GALNTL6: variants seen among roughly 807,000 people sequenced by gnomAD.
The protein encoded by GALNTL6 is polypeptide N-acetylgalactosaminyltransferase like 6.
In GALNTL6, 46 loss-of-function variants were observed where a neutral mutation model predicts 73.7. The observed-to-expected ratio is 0.62, with a 90% confidence interval of 0.49 to 0.80. GALNTL6 has a LOEUF of 0.80. GALNTL6 is among the 30% of genes least tolerant of loss of function. The pLI, the probability that GALNTL6 is intolerant of heterozygous loss-of-function variation, is 0.00. For missense variants in GALNTL6, 604 were observed against 755.0 expected, an observed-to-expected ratio of 0.80 and a Z score of 2.34; for synonymous variants, 259 against 263.7, an observed-to-expected ratio of 0.98 and a Z score of 0.17.
At chr4:172,035,771 C>CTGT (rs1741913755) in intron 2 of GALNTL6, among the ~76,000 whole-genome samples, 1 of 152,096 alleles carries the variant, frequency 6.6e-6, no homozygotes, top group Non-Finnish European at 1.5e-5. Flanking sequence ...TGCCAGTGAA[C>CTGT]AGTGCTTTAA....
At chr4:172,324,625 TAATA>T (rs1465273394) in intron 4 of GALNTL6, among the ~76,000 whole-genome samples, 1 of 151,242 alleles carries the variant, frequency 6.6e-6, no homozygotes, top group Non-Finnish European at 1.5e-5. Context: ...AATAATGGCA[TAATA>T]AATATTTTTT....
chr4:172,056,260 C>T (rs895573951), intron 2 of GALNTL6, among the ~76,000 whole-genome samples: 2 of 152,022 alleles, frequency 1.3e-5, no homozygotes, highest in African/African-American at 2.4e-5. Flanking sequence ...TTTTATCATT[C>T]AACATTGTGC....
At chr4:172,632,501 G>T (rs1739442711) in intron 5 of GALNTL6, among the ~76,000 whole-genome samples, 1 of 152,116 alleles carries the variant, frequency 6.6e-6, no homozygotes, top group African/African-American at 2.4e-5. Context: ...CTAGAGGTCT[G>T]TGGAACTTTG....
chr4:172,744,816 G>T (rs997213413), intron 5 of GALNTL6, among the ~76,000 whole-genome samples: 15 of 146,458 alleles, frequency 1.0e-4, no homozygotes, highest in African/African-American at 3.8e-4. Flanking sequence ...AGACACAAAA[G>T]GATAGATTTT....
chr4:172,879,264 T>C (rs73870309), intron 7 of GALNTL6, among the ~76,000 whole-genome samples: 329 of 151,880 alleles, frequency 2.2e-3, no homozygotes, highest in African/African-American at 7.4e-3. Context: ...AATAACACTA[T>C]CAACCAACTT....
intron 5 of GALNTL6, among the ~76,000 whole-genome samples, chr4:172,551,680 G>A (rs1040986914): frequency 5.9e-5 from 9 of 152,122 alleles, no homozygotes; most frequent in Non-Finnish European, 1.2e-4. Context: ...CAGTAATTTG[G>A]TAGGAGGAAT....
intron 5 of GALNTL6, among the ~76,000 whole-genome samples, chr4:172,727,250 C>A (rs1169055721): frequency 1.3e-5 from 2 of 152,170 alleles, no homozygotes; most frequent in Non-Finnish European, 2.9e-5. Context: ...TGTAGTCATC[C>A]AGAAGTCTTA....
At chr4:172,750,273 A>C (rs1737351453) in intron 5 of GALNTL6, among the ~76,000 whole-genome samples, 1 of 152,214 alleles carries the variant, frequency 6.6e-6, no homozygotes, top group South Asian at 2.1e-4. Flanking sequence ...TTTCAAGGAA[A>C]AAATGTGAAG....
At chr4:171,897,608 G>A (rs928239587) in intron 2 of GALNTL6, among the ~76,000 whole-genome samples, 1 of 152,022 alleles carries the variant, frequency 6.6e-6, no homozygotes, top group African/African-American at 2.4e-5. Flanking sequence ...GGATCACGAG[G>A]TCAGGAGTAC....
intron 2 of GALNTL6, among the ~76,000 whole-genome samples, chr4:172,010,475 C>T (rs1740973449): frequency 6.6e-6 from 1 of 152,026 alleles, no homozygotes; most frequent in Non-Finnish European, 1.5e-5. Flanking sequence ...TGGGGCAGTA[C>T]ATTTATTTCC....
intron 5 of GALNTL6, among the ~76,000 whole-genome samples, chr4:172,675,922 A>C (rs1187825206): frequency 6.6e-6 from 1 of 152,230 alleles, no homozygotes; most frequent in African/African-American, 2.4e-5. Flanking sequence ...AGCATCCTCA[A>C]ATCCTCAAAT....
chr4:172,300,843 G>T lies in GALNTL6; in HGVS notation c.248-10771G>T, dbSNP rs1739887127. ...ACTTTGGTGAATCTGACAATTATGT[G>T]TCTTGGAGTTGCTCTTCTCGAGGAG... On this transcript the variant is annotated intron_variant, in intron 3 of 12. Transcript: ENST00000506823. Among the ~76,000 whole-genome samples, 4 of 152,054 alleles carry T rather than the reference G, an allele frequency of 2.6e-5. No homozygotes were observed. The South Asian group carries it at 8.3e-4, about 32-fold the overall frequency.
intron 3 of GALNTL6, among the ~76,000 whole-genome samples, chr4:172,297,118 GA>G (rs1391643045): frequency 6.6e-6 from 1 of 152,114 alleles, no homozygotes; most frequent in Non-Finnish European, 1.5e-5. Flanking sequence ...CAGTGATGAT[GA>G]GCATTTTTTC....
intron 5 of GALNTL6, among the ~76,000 whole-genome samples, chr4:172,471,626 T>A (rs373470743): frequency 6.6e-6 from 1 of 152,226 alleles, no homozygotes; most frequent in African/African-American, 2.4e-5. Context: ...TCTAGCTGAA[T>A]GTCTTGCATG....
chr4:172,831,607 C>T (rs1465798470), intron 7 of GALNTL6, among the ~76,000 whole-genome samples: 1 of 152,130 alleles, frequency 6.6e-6, no homozygotes, highest in Non-Finnish European at 1.5e-5. Flanking sequence ...ACAGGTTTGG[C>T]AACTGACAGG....
intron 7 of GALNTL6, among the ~76,000 whole-genome samples, chr4:172,844,417 G>T (rs183519839): frequency 6.6e-6 from 1 of 152,176 alleles, no homozygotes; most frequent in African/African-American, 2.4e-5. Context: ...TATTGCTCAG[G>T]CATCGACAGC....
chr4:172,351,990 CA>C (rs1374392863), intron 5 of GALNTL6, among the ~76,000 whole-genome samples: 1 of 152,016 alleles, frequency 6.6e-6, no homozygotes, highest in Non-Finnish European at 1.5e-5. Flanking sequence ...TATACATGAA[CA>C]AAAATACAAG....
At chr4:172,677,161 T>A (rs1380823721) in intron 5 of GALNTL6, among the ~76,000 whole-genome samples, 1 of 152,222 alleles carries the variant, frequency 6.6e-6, no homozygotes, top group Non-Finnish European at 1.5e-5. Flanking sequence ...CCTCCAAGTT[T>A]ACTGCTCTAA....
intron 2 of GALNTL6, among the ~76,000 whole-genome samples, chr4:172,037,877 G>GGAGCCT (rs1741976831): frequency 1.3e-5 from 2 of 152,104 alleles, no homozygotes; most frequent in African/African-American, 4.8e-5. Context: ...CAGCACTTTG[G>GGAGCCT]GAGGCTGAGG....
Sources: gnomAD v4.1 joint callset for allele counts (sites outside exome capture counted in the v4.1 genomes callset) on GRCh38, gnomAD v4.1.1 for gene constraint, MANE v1.5 for transcripts, NCBI Gene and HGNC (gene_info 2026-07-23, HGNC 2026-07-21) for gene names.